RIC1: variants seen among roughly 807,000 people sequenced by gnomAD.
RIC1 encodes the protein RIC1 partner of RAB6A GEF complex.
Under a neutral mutation model 169.0 loss-of-function variants are expected in RIC1, and 88 were observed. That is an observed-to-expected ratio of 0.52 (90% confidence interval 0.44 to 0.62). The LOEUF (loss-of-function observed/expected upper bound fraction) is 0.62, where lower values mean the gene tolerates loss of function less well. Among genes scored for constraint, RIC1 ranks in the 20% least tolerant of loss-of-function variants. The pLI, the probability that RIC1 is intolerant of heterozygous loss-of-function variation, is 0.00. For missense variants in RIC1, 1,877 were observed against 1,725.5 expected, an observed-to-expected ratio of 1.09 and a Z score of -1.56; for synonymous variants, 790 against 601.5, an observed-to-expected ratio of 1.31 and a Z score of -4.59.
At chr9:5,661,740 A>T (rs188150418) in intron 2 of RIC1, among the ~76,000 whole-genome samples, 1 of 152,158 alleles carries the variant, frequency 6.6e-6, no homozygotes, top group Non-Finnish European at 1.5e-5. Flanking sequence ...GGCTGAGGCA[A>T]TGGGGTTTTC....
Position 5,774,243 on chromosome 9 carries a change from C to A in RIC1, c.4269C>A (p.Ser1423=). 1.2e-6 allele frequency: 2 copies of A among 1,600,350 alleles called. No homozygotes were observed. Among genetic ancestry groups the A allele is most frequent in the Non-Finnish European group, 1.7e-6 (2 of 1,172,552 alleles). Reference sequence around the variant, plus strand: ...ATGGGACTTACGACTGTTCTGTGTCCTAACAGTGAGGTTCCATCACAAAGG... The same window carrying A: ...ATGGGACTTACGACTGTTCTGTGTCATAACAGTGAGGTTCCATCACAAAGG... ...FQDGTYDCSV[S] The change falls in exon 26 of 26, where the codon TCC becomes TCA. Residue 1423 remains serine (S), a synonymous_variant. Coordinates refer to ENST00000414202, the MANE Select transcript of RIC1 (RefSeq NM_020829.4).
intron 6 of RIC1, 66 bp from the exon 7 acceptor site, chr9:5,732,322 A>G: frequency 8.2e-7 from 1 of 1,224,640 alleles, no homozygotes; most frequent in South Asian, 1.3e-5. Context: ...TTGAAGGAGA[A>G]TTATATTGAC....
At chr9:5,749,455 G>A (rs541342987) in intron 12 of RIC1, among the ~76,000 whole-genome samples, 1 of 152,158 alleles carries the variant, frequency 6.6e-6, no homozygotes, top group Admixed American at 6.5e-5. Context: ...GGTTTAATTT[G>A]CCCCACAATA....
At chr9:5,730,453 C>T (rs932033031) in intron 6 of RIC1, among the ~76,000 whole-genome samples, 8 of 152,032 alleles carry the variant, frequency 5.3e-5, no homozygotes, top group African/African-American at 1.9e-4. Context: ...AACAGCTAGA[C>T]ACAAAGGAAT....
chr9:5,725,540 T>C (rs1477072958), intron 6 of RIC1, among the ~76,000 whole-genome samples: 1 of 152,216 alleles, frequency 6.6e-6, no homozygotes, highest in Non-Finnish European at 1.5e-5. Context: ...TTGATGGTTT[T>C]TTTATGTCTC....
At position 5,747,455 on chromosome 9, in the gene RIC1, T is replaced by A; in HGVS notation, c.1402T>A (p.Ser468Thr). 6.2e-7 allele frequency: 1 copy of A among 1,613,980 alleles called. No individual in the cohort carries two copies. Among genetic ancestry groups the A allele is most frequent in the Non-Finnish European group, 8.5e-7 (1 of 1,179,928 alleles). Residue 468 changes from serine (S) to threonine (T), a missense_variant, in exon 12 of 26, where the codon TCT becomes ACT. Ser to Thr is a moderately conservative substitution (Grantham distance 58). This residue lies in a region of RIC1 where 1,104 missense variants were observed against 992.0 expected (regional missense o/e 1.11). Coordinates refer to ENST00000414202, the MANE Select transcript of RIC1 (RefSeq NM_020829.4). ...KSPFADGGLESQGLSTLLGHR... is the reference protein window; with the variant it reads ...KSPFADGGLETQGLSTLLGHR... ...CCCATTTGCAGATGGAGGTTTAGAGTCTCAGGGATTAAGCACTTTACTTGG... is the reference window on the plus strand; with the variant it reads ...CCCATTTGCAGATGGAGGTTTAGAGACTCAGGGATTAAGCACTTTACTTGG...
chr9:5,729,527 C>T (rs954558381), intron 6 of RIC1, among the ~76,000 whole-genome samples: 8 of 152,122 alleles, frequency 5.3e-5, no homozygotes, highest in East Asian at 1.9e-4. Context: ...TTTCTAATGC[C>T]GCCTCCTATT....
rs145592165 is a variant in RIC1, at chr9:5,709,819, C to T, written c.333-4077C>T. Among the ~76,000 whole-genome samples, 85 of 152,108 alleles carry T rather than the reference C, an allele frequency of 5.6e-4. No homozygotes were observed. In the East Asian group the frequency reaches 9.8e-3, roughly 18 times the overall value. On this transcript the variant is annotated intron_variant, in intron 3 of 25. Transcript: ENST00000414202. ...GGAAGACAGGATGGAAACTTTCCTG[C>T]GAGATGTATCTCTAATTTTATAATG... is the stretch of plus-strand genomic sequence containing the variant.
intron 22 of RIC1, among the ~76,000 whole-genome samples, 159 bp from the exon 23 acceptor site, chr9:5,769,927 CT>C (rs1827083842): frequency 1.3e-5 from 2 of 152,144 alleles, no homozygotes; most frequent in Non-Finnish European, 2.9e-5. Flanking sequence ...TCCCATGTCT[CT>C]AGTTTTGGGG....
chr9:5,713,106 A>G (rs1823030381), intron 3 of RIC1: 1 of 152,212 alleles, frequency 6.6e-6, no homozygotes, highest in Non-Finnish European at 1.5e-5. Context: ...GACAAATTAT[A>G]GGAATGTACT....
At chr9:5,655,414 C>T (rs747179652) in intron 1 of RIC1, among the ~76,000 whole-genome samples, 8 of 152,136 alleles carry the variant, frequency 5.3e-5, no homozygotes, top group Non-Finnish European at 1.2e-4. Context: ...GATTCTCCTG[C>T]CTCAGCCTCC....
chr9:5,674,870 G>C (rs78491017), intron 2 of RIC1, among the ~76,000 whole-genome samples: 2,009 of 152,270 alleles, frequency 0.013, 51 homozygotes, highest in African/African-American at 0.046. Context: ...CCGGGCATAT[G>C]CTTAACCTTG....
intron 6 of RIC1, among the ~76,000 whole-genome samples, chr9:5,726,439 A>G (rs565949329): frequency 1.3e-5 from 2 of 152,194 alleles, no homozygotes; most frequent in Non-Finnish European, 1.5e-5. Flanking sequence ...TTTTGAGCCT[A>G]TGTGTGTCTC....
chr9:5,677,762 T>C (rs1038029613), intron 2 of RIC1, among the ~76,000 whole-genome samples: 10 of 152,164 alleles, frequency 6.6e-5, no homozygotes, highest in Non-Finnish European at 8.8e-5. Flanking sequence ...TTTTTACTTA[T>C]AGCATTATAT....
intron 22 of RIC1, 52 bp from the exon 23 acceptor site, chr9:5,770,035 T>C (rs1827095219): frequency 6.9e-7 from 1 of 1,451,740 alleles, no homozygotes; most frequent in Admixed American, 2.0e-5. Context: ...AATGTCAGTG[T>C]GTGCATCTTC....
intron 2 of RIC1, among the ~76,000 whole-genome samples, chr9:5,667,027 CAAAG>C (rs1228001454): frequency 6.6e-6 from 1 of 152,042 alleles, no homozygotes; most frequent in Non-Finnish European, 1.5e-5. Context: ...GTTGATTTTT[CAAAG>C]AGTCAACTTT....
In RIC1 at chr9:5,745,922, C is replaced by T. The variant is rs1399076978; in HGVS notation, c.1096-9C>T. 2 of 1,607,250 alleles carry T rather than the reference C, an allele frequency of 1.2e-6. No individual in the cohort carries two copies. Among genetic ancestry groups the T allele is most frequent in the Non-Finnish European group, 1.7e-6 (2 of 1,175,132 alleles). ...TCTGACTTTTTTTCTCCCTCCTCTT[C>T]TCTCTAAGAGCTGGGGTGCAGAAGG... On this transcript the variant is annotated splice_polypyrimidine_tract_variant and intron_variant, in intron 10 of 25. Transcript: ENST00000414202.
rs542820955 is a variant in RIC1, at chr9:5,673,667, A to G, written c.253-16292A>G. 3.3e-5 allele frequency among the ~76,000 whole-genome samples: 5 copies of G among 151,516 alleles called. No homozygotes were observed. The South Asian group carries it at 1.0e-3, about 31-fold the overall frequency. ...CTTTGGAATATCACACAAATACTAA[A>G]AATAGTAGTAAGTGTATCTATGAAT... On this transcript the variant is annotated intron_variant, in intron 2 of 25. Transcript: ENST00000414202.
chr9:5,696,038 C>A (rs759114861), intron 3 of RIC1, among the ~76,000 whole-genome samples: 1 of 152,048 alleles, frequency 6.6e-6, no homozygotes, highest in African/African-American at 2.4e-5. Context: ...TGGATTGTTT[C>A]TTCACTTTAC....
Sources: gnomAD v4.1 joint callset for allele counts (sites outside exome capture counted in the v4.1 genomes callset) on GRCh38, gnomAD v4.1.1 for gene constraint, gnomAD v4.1.1 regional missense constraint, MANE v1.5 for transcripts, NCBI Gene and HGNC (gene_info 2026-07-23, HGNC 2026-07-21) for gene names.